Variants in ZC3H12B observed in about 807,000 individuals in gnomAD.
The protein encoded by ZC3H12B is probable ribonuclease ZC3H12B.
In ZC3H12B, 7 loss-of-function variants were observed where a neutral mutation model predicts 43.9. The observed-to-expected ratio is 0.16, with a 90% CI of 0.09 to 0.30. The LOEUF (loss-of-function observed/expected upper bound fraction) is 0.30, where lower values mean the gene tolerates loss of function less well. Ranked by LOEUF, ZC3H12B falls within the 10% of genes least tolerant of loss-of-function variation. The pLI is 1.00. For missense variants in ZC3H12B, 475 were observed against 670.2 expected (o/e 0.71, Z 3.22); for synonymous variants, 222 against 241.7 (o/e 0.92, Z 0.76).
the ZC3H12B span, among the ~76,000 whole-genome samples, chrX:65,243,296 A>G: frequency 8.9e-6 from 1 of 112,504 alleles, no homozygotes; most frequent in African/African-American, 3.2e-5. Context: ...TGTTTTACAA[A>G]TGGGTGAAAG....
chrX:65,455,658 C>T (rs778354702), intron 3 of ZC3H12B, among the ~76,000 whole-genome samples: 5 of 110,946 alleles, frequency 4.5e-5, no homozygotes, highest in African/African-American at 1.6e-4. Context: ...GAAGAGCAAC[C>T]CCAAGACACA....
At chrX:65,373,908 G>T (rs1283543016) in intron 2 of ZC3H12B, among the ~76,000 whole-genome samples, 1 of 5,813 alleles carries the variant, frequency 1.7e-4, no homozygotes, top group Non-Finnish European at 1.6e-3. Flanking sequence ...TATATATATA[G>T]TTATATATAT....
the ZC3H12B span, among the ~76,000 whole-genome samples, chrX:65,128,519 A>G: frequency 1.8e-5 from 2 of 111,791 alleles, no homozygotes; most frequent in Non-Finnish European, 3.8e-5. Context: ...CATTGAAAGA[A>G]TGTGTATTCT....
chrX:65,307,067 A>T, the ZC3H12B span, among the ~76,000 whole-genome samples: 88 of 112,687 alleles, frequency 7.8e-4, no homozygotes, highest in Non-Finnish European at 1.5e-3. Flanking sequence ...GATAGTAGAT[A>T]TACTCATCTT....
the ZC3H12B span, among the ~76,000 whole-genome samples, chrX:65,226,105 A>C: frequency 8.9e-6 from 1 of 111,785 alleles, no homozygotes; most frequent in African/African-American, 3.3e-5. Flanking sequence ...GAAGGAAAAA[A>C]TGTTAAGGGC....
chrX:65,360,055 A>C, the ZC3H12B span, among the ~76,000 whole-genome samples: 1 of 112,394 alleles, frequency 8.9e-6, no homozygotes, highest in Non-Finnish European at 1.9e-5. Flanking sequence ...CTGAAGGTTC[A>C]GATGATTGTT....
At chrX:65,406,623 TGGGCGGGGCC>T (rs1222672651) in intron 3 of ZC3H12B, among the ~76,000 whole-genome samples, 7 of 4,681 alleles carry the variant, frequency 1.5e-3, no homozygotes, top group Admixed American at 0.01. Flanking sequence ...TGGGCGGGAC[TGGGCGGGGCC>T]GGGCGGGGCC....
the ZC3H12B span, among the ~76,000 whole-genome samples, chrX:65,228,733 C>T: frequency 8.9e-6 from 1 of 111,852 alleles, no homozygotes; most frequent in Non-Finnish European, 1.9e-5. Flanking sequence ...TTCTTATACA[C>T]CAATAACAGA....
At chrX:65,424,552 C>A (rs1406108284) in intron 3 of ZC3H12B, among the ~76,000 whole-genome samples, 1 of 112,078 alleles carries the variant, frequency 8.9e-6, no homozygotes. Flanking sequence ...GTGTCTATAT[C>A]CTGAATGGTA....
the ZC3H12B span, among the ~76,000 whole-genome samples, chrX:65,179,797 A>G: frequency 3.6e-5 from 4 of 112,211 alleles, no homozygotes; most frequent in Admixed American, 1.9e-4. Flanking sequence ...CACTCTCAAG[A>G]CTAAACTAAG....
the ZC3H12B span, among the ~76,000 whole-genome samples, chrX:65,042,748 AG>A: frequency 1.8e-5 from 2 of 111,999 alleles, no homozygotes; most frequent in Non-Finnish European, 3.8e-5. Context: ...ACTAGCTTAA[AG>A]AAAAAAAGAG....
chrX:65,314,763 T>G, the ZC3H12B span, among the ~76,000 whole-genome samples: 1 of 111,384 alleles, frequency 9.0e-6, no homozygotes, highest in Non-Finnish European at 1.9e-5. Context: ...AGTAATTTCC[T>G]TAGTGTATAT....
chrX:65,134,117 A>G, the ZC3H12B span, among the ~76,000 whole-genome samples: 27 of 110,761 alleles, frequency 2.4e-4, no homozygotes, highest in South Asian at 4.0e-4. Context: ...AAGGGAGAAG[A>G]AGGGGGAATG....
chrX:65,127,462 G>C, the ZC3H12B span, among the ~76,000 whole-genome samples: 1 of 111,206 alleles, frequency 9.0e-6, no homozygotes, highest in Non-Finnish European at 1.9e-5. Context: ...TTAGTGCATT[G>C]GTTTTGTGTT....
chrX:65,224,844 G>A, the ZC3H12B span, among the ~76,000 whole-genome samples: 1 of 112,136 alleles, frequency 8.9e-6, no homozygotes, highest in Non-Finnish European at 1.9e-5. Flanking sequence ...CATTGCCAAG[G>A]CTTGCTTAGG....
chrX:65,266,461 C>T, the ZC3H12B span, among the ~76,000 whole-genome samples: 1 of 112,065 alleles, frequency 8.9e-6, no homozygotes, highest in African/African-American at 3.2e-5. Context: ...TATTACTCCA[C>T]AAAAGCAACT....
chrX:65,394,747 A>G (rs1434576458), intron 2 of ZC3H12B, among the ~76,000 whole-genome samples: 1 of 112,000 alleles, frequency 8.9e-6, no homozygotes, highest in African/African-American at 3.2e-5. Flanking sequence ...AGGAAAGTCA[A>G]TGGTAGCTTG....
At chrX:65,381,568 T>A (rs1343639532) in intron 2 of ZC3H12B, among the ~76,000 whole-genome samples, 1 of 110,547 alleles carries the variant, frequency 9.0e-6, no homozygotes, top group African/African-American at 3.3e-5. Context: ...GCAAACACAT[T>A]CAAAAGCTAG....
At chrX:65,373,348 C>G (rs1478051293) in intron 2 of ZC3H12B, among the ~76,000 whole-genome samples, 1 of 111,446 alleles carries the variant, frequency 9.0e-6, no homozygotes, top group African/African-American at 3.3e-5. Flanking sequence ...CCTCAGGGAC[C>G]TAGAACTAGA....
Sources: allele counts gnomAD v4.1 joint callset (sites outside exome capture counted in the v4.1 genomes callset), GRCh38; gene constraint gnomAD v4.1.1; transcripts MANE v1.5; gene names NCBI Gene and HGNC (gene_info 2026-07-23, HGNC 2026-07-21).